The following THAP6 variants were observed in gnomAD, a reference collection of about 807,000 sequenced individuals.
THAP6 encodes THAP domain-containing protein 6.
THAP6 carries 13 observed loss-of-function variants against 20.0 expected under a neutral mutation model. The observed-to-expected ratio is 0.65, with a 90% CI of 0.42 to 1.03. The LOEUF is 1.03. Ranked by LOEUF, THAP6 falls within the 50% of genes least tolerant of loss-of-function variation. The pLI is 0.00. For synonymous variants in THAP6, 93 were observed against 92.2 expected (o/e 1.01, Z -0.05); for missense variants, 262 against 261.6 (o/e 1.00, Z -0.01).
intron 2 of THAP6, among the ~76,000 whole-genome samples, chr4:75,539,265 T>G (rs2148831386): frequency 6.6e-6 from 1 of 152,318 alleles, no homozygotes; most frequent in African/African-American, 2.4e-5. Context: ...AGTTTAAGTG[T>G]TTGGGTCTAT....
chr4:75,514,563 G>A, intron 1 of THAP6, 43 bp downstream of exon 1: 2 of 338,686 alleles, frequency 5.9e-6, no homozygotes, highest in Middle Eastern at 7.8e-4. Context: ...ATCGCTACCC[G>A]CCCAAATCTC....
Position 75,515,552 on chromosome 4 carries a change from A to C in THAP6, c.80+20A>C. The stretch of plus-strand genomic sequence containing the variant: ...TCACGTGTAAGATTTTGCTGTAGTT[A>C]AGCCAAATACTTTGGCCATGTTATA... On this transcript the variant is annotated intron_variant, in intron 2 of 4. Coordinates refer to ENST00000311638, the MANE Select transcript of THAP6 (RefSeq NM_144721.6). 6.2e-7 allele frequency: 1 copy of C among 1,611,336 alleles called. No individual in the cohort carries two copies. The highest frequency in any genetic ancestry group is 1.1e-5 in the South Asian group (1 of 91,040).
chr4:75,545,991 T>C (rs1286941717), intron 3 of THAP6, among the ~76,000 whole-genome samples: 1 of 152,188 alleles, frequency 6.6e-6, no homozygotes, highest in African/African-American at 2.4e-5. Flanking sequence ...CTTTCTGACA[T>C]TGCTGGCCTA....
In THAP6 at chr4:75,528,156, A is replaced by G; in HGVS notation, c.*942A>G. Reference sequence around the variant, plus strand: ...TTGAAATAGGAATTGGAGAGAAAGGATTAGAATATTTTAATTAGGGGAGTA... The same window carrying G: ...TTGAAATAGGAATTGGAGAGAAAGGGTTAGAATATTTTAATTAGGGGAGTA... On this transcript the variant is annotated 3_prime_UTR_variant, in exon 5 of 5. Coordinates refer to ENST00000311638, the MANE Select transcript of THAP6 (RefSeq NM_144721.6). 1.0e-6 allele frequency: 1 copy of G among 985,150 alleles called. No homozygotes were observed. The highest frequency in any genetic ancestry group is 1.7e-5 in the African/African-American group (1 of 57,362). 61.0% of individuals were successfully genotyped at this position (985,150 alleles called of 1,614,324 possible). A position where few individuals can be genotyped will look rare whatever the true frequency, so the allele number is the denominator to read the frequency against.
intron 2 of THAP6, among the ~76,000 whole-genome samples, chr4:75,536,096 A>G (rs918827739): frequency 1.3e-5 from 2 of 152,222 alleles, no homozygotes; most frequent in African/African-American, 4.8e-5. Context: ...TAAAATGCAT[A>G]TATCAATAAT....
chr4:75,537,718 A>G (rs143103900), intron 2 of THAP6, among the ~76,000 whole-genome samples: 12 of 152,312 alleles, frequency 7.9e-5, no homozygotes, highest in African/African-American at 2.6e-4. Context: ...TAAAATATGG[A>G]AAGATTATCC....
intron 3 of THAP6, among the ~76,000 whole-genome samples, chr4:75,546,207 C>T (rs1450723191): frequency 1.3e-5 from 2 of 152,160 alleles, no homozygotes; most frequent in African/African-American, 4.8e-5. Flanking sequence ...GAAAGAGAGA[C>T]TGAGAAGAGG....
At chr4:75,523,850 C>G (rs1726195887) in intron 4 of THAP6, among the ~76,000 whole-genome samples, 1 of 150,832 alleles carries the variant, frequency 6.6e-6, no homozygotes, top group Non-Finnish European at 1.5e-5. Context: ...AGACCAATGT[C>G]CTGGAGAGTT....
intron 4 of THAP6, chr4:75,522,204 G>A (rs1726077534): frequency 3.8e-6 from 1 of 263,884 alleles, no homozygotes; most frequent in Non-Finnish European, 7.1e-6. Flanking sequence ...GAGTATTCAA[G>A]CTTGCATTTA....
intron 4 of THAP6, among the ~76,000 whole-genome samples, chr4:75,525,279 G>A (rs1298190892): frequency 6.6e-6 from 1 of 151,994 alleles, no homozygotes; most frequent in African/African-American, 2.4e-5. Flanking sequence ...ATATTAGGCT[G>A]TCTGAAATTG....
downstream of THAP6, among the ~76,000 whole-genome samples, chr4:75,533,728 G>C: frequency 6.6e-6 from 1 of 152,134 alleles, no homozygotes; most frequent in East Asian, 1.9e-4. Flanking sequence ...AGCTTGTGCA[G>C]AGAAACTCCT....
chr4:75,514,389 C>T, upstream of THAP6: 1 of 1,330,720 alleles, frequency 7.5e-7, no homozygotes, highest in African/African-American at 1.5e-5. Context: ...CCCCAGCGGC[C>T]ACTAGCGACA....
intron 3 of THAP6, among the ~76,000 whole-genome samples, chr4:75,520,502 G>A (rs964357086): frequency 1.3e-5 from 2 of 152,110 alleles, no homozygotes; most frequent in South Asian, 4.1e-4. Flanking sequence ...TTATATAGAC[G>A]ATTTTTTACT....
At chr4:75,523,400 T>G (rs1222624787) in intron 4 of THAP6, among the ~76,000 whole-genome samples, 1 of 152,244 alleles carries the variant, frequency 6.6e-6, no homozygotes, top group Non-Finnish European at 1.5e-5. Context: ...TTCTGTGGGT[T>G]GTCTCTTCAC....
chr4:75,528,490 A>C lies in THAP6; in HGVS notation c.*1276A>C. ...ATTTGAGTATCAGCCATTTCATTGT[A>C]GTAACAAAAATTGAATTGCATTTTG... On this transcript the variant is annotated 3_prime_UTR_variant, in exon 5 of 5. Transcript: ENST00000311638. 1 of 985,384 alleles carries C rather than the reference A, an allele frequency of 1.0e-6. No individual in the cohort carries two copies. Among genetic ancestry groups the C allele is most frequent in the Non-Finnish European group, 1.2e-6 (1 of 829,856 alleles). The allele number at this position is 985,384 out of a possible 1,614,324, so 61.0% of individuals were successfully genotyped here.
chr4:75,536,445 CAA>C (rs1187404010), intron 2 of THAP6, among the ~76,000 whole-genome samples: 1 of 152,086 alleles, frequency 6.6e-6, no homozygotes, highest in Non-Finnish European at 1.5e-5. Flanking sequence ...GCCTGGGCAA[CAA>C]GAGCAAAACT....
intron 3 of THAP6, among the ~76,000 whole-genome samples, chr4:75,519,435 A>G (rs538580200): frequency 6.6e-5 from 10 of 151,262 alleles, no homozygotes; most frequent in Admixed American, 4.6e-4. Context: ...CCAGTAACTC[A>G]TCATCTAGCA....
At chr4:75,538,835 A>T (rs1726935926) in intron 2 of THAP6, among the ~76,000 whole-genome samples, 1 of 152,328 alleles carries the variant, frequency 6.6e-6, no homozygotes, top group Admixed American at 6.5e-5. Flanking sequence ...GCTGACAGAG[A>T]TTGAAACGAA....
chr4:75,525,826 C>G (rs553933941), intron 4 of THAP6, among the ~76,000 whole-genome samples: 122 of 152,194 alleles, frequency 8.0e-4, no homozygotes, highest in Non-Finnish European at 1.6e-3. Context: ...TTGACATTTT[C>G]AAGTCTGGCT....
Sources: gnomAD v4.1 joint callset for allele counts (sites outside exome capture counted in the v4.1 genomes callset) on GRCh38, gnomAD v4.1.1 for gene constraint, MANE v1.5 for transcripts, NCBI Gene and HGNC (gene_info 2026-07-23, HGNC 2026-07-21) for gene names.